The following PRKN variants were observed in gnomAD, a reference collection of about 807,000 sequenced individuals.
The protein encoded by PRKN is E3 ubiquitin-protein ligase parkin.
In PRKN, 56 loss-of-function variants were observed where a neutral mutation model predicts 59.5. That is an observed-to-expected ratio of 0.94 (90% CI 0.76 to 1.18). The LOEUF (loss-of-function observed/expected upper bound fraction) is 1.18, where lower values mean the gene tolerates loss of function less well. PRKN is among the 50% of genes most tolerant of loss of function. PRKN has a pLI of 0.00. For synonymous variants in PRKN, 250 were observed against 222.1 expected, an observed-to-expected ratio of 1.13 and a Z score of -1.12; for missense variants, 657 against 596.4, an observed-to-expected ratio of 1.10 and a Z score of -1.06.
At chr6:162,442,791 G>A (rs1790120722) in intron 2 of PRKN, among the ~76,000 whole-genome samples, 1 of 152,076 alleles carries the variant, frequency 6.6e-6, no homozygotes, top group Non-Finnish European at 1.5e-5. Flanking sequence ...TGCGATTCTG[G>A]TCCTGGCCAA....
chr6:162,547,432 T>G (rs35049401), intron 1 of PRKN, among the ~76,000 whole-genome samples: 14,073 of 152,256 alleles, frequency 0.092, 761 homozygotes, highest in Middle Eastern at 0.18. Flanking sequence ...ATTATTTATT[T>G]CAAAGGACTT....
chr6:162,408,506 T>C (rs889484693), intron 2 of PRKN, among the ~76,000 whole-genome samples: 4 of 152,190 alleles, frequency 2.6e-5, no homozygotes, highest in African/African-American at 4.8e-5. Context: ...TAAAGCAGAA[T>C]AGGTTGTTTT....
chr6:161,601,028 G>A (rs974616023), intron 7 of PRKN, among the ~76,000 whole-genome samples: 45 of 152,254 alleles, frequency 3.0e-4, no homozygotes, highest in African/African-American at 1.0e-3. Context: ...ATTCCTAAGT[G>A]TCAGCTTACA....
intron 4 of PRKN, among the ~76,000 whole-genome samples, chr6:162,185,808 C>A (rs1784005485): frequency 6.6e-6 from 1 of 152,080 alleles, no homozygotes; most frequent in South Asian, 2.1e-4. Context: ...ATAAGAACAT[C>A]TTAGAAGAAA....
chr6:161,822,144 A>C (rs147836686), intron 6 of PRKN, among the ~76,000 whole-genome samples: 47 of 152,284 alleles, frequency 3.1e-4, no homozygotes, highest in African/African-American at 1.1e-3. Context: ...CTTTCTTAGC[A>C]ATAACACCCC....
intron 7 of PRKN, among the ~76,000 whole-genome samples, chr6:161,672,434 G>A (rs1784942364): frequency 6.6e-6 from 1 of 152,108 alleles, no homozygotes; most frequent in African/African-American, 2.4e-5. Context: ...CTATGATATG[G>A]TATTCTAATA....
intron 2 of PRKN, among the ~76,000 whole-genome samples, chr6:162,321,898 C>T (rs1464875313): frequency 6.6e-6 from 1 of 151,984 alleles, no homozygotes; most frequent in East Asian, 1.9e-4. Flanking sequence ...GTTAACATTA[C>T]ATTTAATGAT....
intron 9 of PRKN, among the ~76,000 whole-genome samples, chr6:161,489,125 C>A (rs1336786651): frequency 6.6e-6 from 1 of 152,124 alleles, no homozygotes; most frequent in African/African-American, 2.4e-5. Flanking sequence ...ATAATTCACT[C>A]TCCTTCTTCC....
chr6:161,586,716 TC>T (rs1166541961), intron 7 of PRKN, among the ~76,000 whole-genome samples: 1 of 152,226 alleles, frequency 6.6e-6, no homozygotes, highest in East Asian at 1.9e-4. Context: ...ACGGAAGCCA[TC>T]TTCCTCATTA....
intron 7 of PRKN, among the ~76,000 whole-genome samples, chr6:161,621,856 C>G (rs932938951): frequency 1.3e-5 from 2 of 152,162 alleles, no homozygotes; most frequent in African/African-American, 4.8e-5. Flanking sequence ...GCCACCCACA[C>G]TCACTCCTAG....
chr6:161,704,705 G>A (rs933271454), intron 7 of PRKN, among the ~76,000 whole-genome samples: 1 of 152,102 alleles, frequency 6.6e-6, no homozygotes, highest in East Asian at 1.9e-4. Flanking sequence ...GCCTCATCCG[G>A]TCATTTCTGA....
In PRKN at chr6:161,544,522, A is replaced by G. The variant is rs540636477; in HGVS notation, c.1083+4332T>C. On this transcript the variant is annotated intron_variant, in intron 9 of 11. Coordinates refer to ENST00000366898, the MANE Select transcript of PRKN (RefSeq NM_004562.3). This position sits in a 1 kb window ranked among gnomAD's most constrained non-coding sequence, Gnocchi z 5.5. ...ATTTATTTTATTCATTCATTCATTC[A>G]TTCATTCATTCATTCATTCATACAT... Among the ~76,000 whole-genome samples the G allele has an allele frequency of 9.7e-3, 1,462 of 151,416 alleles. 30 individuals carry two copies. The highest frequency in any genetic ancestry group is 0.034 in the African/African-American group (1,394 of 41,220).
At chr6:161,830,544 A>G (rs1209854909) in intron 6 of PRKN, among the ~76,000 whole-genome samples, 1 of 150,238 alleles carries the variant, frequency 6.7e-6, no homozygotes, top group African/African-American at 2.4e-5. Context: ...GAGCCCCCGC[A>G]CCCGGCCCGC....
Position 162,199,806 on chromosome 6 carries a change from G to A in PRKN, c.534+1325C>T, listed in dbSNP as rs1426240843. Among the ~76,000 whole-genome samples the A allele has an allele frequency of 3.3e-5, 5 of 152,226 alleles. No individual in the cohort carries two copies. In the East Asian group the frequency reaches 9.7e-4, roughly 29 times the overall value. ...GTAATTCCACCATTTTCTCAGGCCT[G>A]AGAAGATGGATCCATGATTTCTCCT... On this transcript the variant is annotated intron_variant, in intron 4 of 11. Coordinates refer to ENST00000366898, the MANE Select transcript of PRKN (RefSeq NM_004562.3).
At chr6:162,704,322 T>G (rs1366243193) in intron 1 of PRKN, among the ~76,000 whole-genome samples, 1 of 152,184 alleles carries the variant, frequency 6.6e-6, no homozygotes, top group Non-Finnish European at 1.5e-5. Context: ...GCCTCTGTGC[T>G]GGCACTCCTC....
chr6:161,830,123 T>A (rs1792422183), intron 6 of PRKN, among the ~76,000 whole-genome samples: 2 of 152,154 alleles, frequency 1.3e-5, no homozygotes, highest in African/African-American at 4.8e-5. Context: ...CTCAGCAAGG[T>A]AAAAATCAAT....
At position 162,262,642 on chromosome 6, in the gene PRKN, G is replaced by T; in HGVS notation, c.295C>A (p.Pro99Thr). The stretch of plus-strand genomic sequence containing the variant: ...AGGTCCACCCGAGTCAAGCTCTGGG[G>T]CTCCCGCTCACAGCCTCCCGCCGCG... ...RNAAGGCERE[P>T]QSLTRVDLSS... is the part of the protein sequence containing the mutation. The change falls in exon 3 of 12, where the codon CCC becomes ACC. Residue 99 changes from proline to threonine, a missense_variant. By Grantham distance (38) the Pro-to-Thr change is conservative. Coordinates refer to ENST00000366898, the MANE Select transcript of PRKN (RefSeq NM_004562.3). 1 of 1,613,734 alleles carries T rather than the reference G, an allele frequency of 6.2e-7. No homozygotes were observed.
chr6:161,845,063 A>G (rs1455297198), intron 6 of PRKN, among the ~76,000 whole-genome samples: 1 of 152,362 alleles, frequency 6.6e-6, no homozygotes, highest in East Asian at 1.9e-4. Context: ...GGCCAAGACC[A>G]TAAGATTAAT....
chr6:161,881,071 G>C (rs1794917763), intron 6 of PRKN, among the ~76,000 whole-genome samples: 1 of 152,274 alleles, frequency 6.6e-6, no homozygotes, highest in South Asian at 2.1e-4. Context: ...CCTACAAAGG[G>C]TAGAAAGGAG....
Sources: gnomAD v4.1 joint callset for allele counts (sites outside exome capture counted in the v4.1 genomes callset) on GRCh38, gnomAD v4.1.1 for gene constraint, Gnocchi (gnomAD v3.1) non-coding constraint, MANE v1.5 for transcripts, NCBI Gene and HGNC (gene_info 2026-07-23, HGNC 2026-07-21) for gene names.